HEATR1: variants seen among roughly 807,000 people sequenced by gnomAD.
HEATR1 encodes HEAT repeat-containing protein 1.
A neutral mutation model predicts 248.2 loss-of-function variants in HEATR1; 77 were observed. The ratio of observed to expected loss-of-function variants is 0.31; its 90% confidence interval spans 0.26 to 0.37. HEATR1 has a LOEUF of 0.37. HEATR1 is among the 10% of genes least tolerant of loss of function. HEATR1 has a pLI of 1.00. For missense variants in HEATR1, 2,420 were observed against 2,504.9 expected, an observed-to-expected ratio of 0.97 and a Z score of 0.72; for synonymous variants, 897 against 923.1, an observed-to-expected ratio of 0.97 and a Z score of 0.51.
rs950206727 is a variant in HEATR1, at chr1:236,550,780, T to A, written c.*122A>T. On this transcript the variant is annotated 3_prime_UTR_variant, in exon 45 of 45. Coordinates refer to ENST00000366582, the MANE Select transcript of HEATR1 (RefSeq NM_018072.6). ...ATTTTGTAAAGAAGTGATAAAACAT[T>A]TGTAAGTAATCCAAGTAGGTGTATT... The A allele has an allele frequency of 4.2e-6, 3 of 710,700 alleles. No individual in the cohort carries two copies. The highest frequency in any genetic ancestry group is 7.0e-6 in the Non-Finnish European group (3 of 429,034). The allele number at this position is 710,700 out of a possible 1,614,324, so 44.0% of individuals were successfully genotyped here.
rs1045015639 is a variant in HEATR1, at chr1:236,603,379, A to G, written c.143-3T>C. On this transcript the variant is annotated splice_polypyrimidine_tract_variant and splice_region_variant and intron_variant, in intron 2 of 44. Coordinates refer to ENST00000366582, the MANE Select transcript of HEATR1 (RefSeq NM_018072.6). ...CAACTCTTCCAGGCCAGTACATCCT[A>G]AATTTCAAAAAAGGCCAGTTTATTT... The G allele has an allele frequency of 6.2e-7, 1 of 1,611,986 alleles. No homozygotes were observed. The highest frequency in any genetic ancestry group is 1.3e-5 in the African/African-American group (1 of 74,910).
In HEATR1 at chr1:236,603,862, G is replaced by T. The variant is rs558550671; in HGVS notation, c.142+92C>A. On this transcript the variant is annotated intron_variant, in intron 2 of 44. Transcript: ENST00000366582. ...TAGAAACTGCTAAGGAAGAGGACGG[G>T]ACAGAAGAGAAAACAAGGGGAAAAA... 142 of 1,349,912 alleles carry T rather than the reference G, an allele frequency of 1.1e-4. 1 individual carries two copies. The African/African-American group carries it at 2.0e-3, about 19-fold the overall frequency. The allele number at this position is 1,349,912 out of a possible 1,614,324, so 83.6% of individuals were successfully genotyped here. A position where few individuals can be genotyped will look rare whatever the true frequency, so the allele number is the denominator to read the frequency against.
intron 23 of HEATR1, 110 bp downstream of exon 23, chr1:236,574,551 T>C (rs1663515456): frequency 7.3e-6 from 10 of 1,377,730 alleles, no homozygotes; most frequent in Non-Finnish European, 9.8e-6. Context: ...CCTGTAACTA[T>C]CTTCTCCAAA....
At chr1:236,584,923 A>G in intron 17 of HEATR1, 102 bp downstream of exon 17, 1 of 966,110 alleles carries the variant, frequency 1.0e-6, no homozygotes, top group Non-Finnish European at 1.5e-6. Context: ...TACTATCCAC[A>G]GACTCAACAT....
intron 8 of HEATR1, 25 bp from the exon 9 acceptor site, chr1:236,594,139 T>C (rs1196989429): frequency 1.4e-6 from 2 of 1,452,642 alleles, no homozygotes; most frequent in East Asian, 2.3e-5. Flanking sequence ...ATTAAAATTG[T>C]GTTGGGAAAA....
At chr1:236,554,001 G>A (rs2759003) in intron 42 of HEATR1, among the ~76,000 whole-genome samples, 90,629 of 151,918 alleles carry the variant, frequency 0.6, 28,250 homozygotes, top group Non-Finnish European at 0.69. Flanking sequence ...ATGCTCTGAC[G>A]CGTTCTCAGT....
At chr1:236,604,247 G>A (rs534237393) in intron 1 of HEATR1, 120 bp from the exon 2 acceptor site, 1 of 711,272 alleles carries the variant, frequency 1.4e-6, no homozygotes, top group African/African-American at 1.9e-5. Context: ...CCTGAGATTT[G>A]TGGACCCCGG....
chr1:236,596,190 A>C (rs1325162900), intron 6 of HEATR1, 146 bp from the exon 7 acceptor site: 1 of 625,968 alleles, frequency 1.6e-6, no homozygotes, highest in Non-Finnish European at 2.7e-6. Flanking sequence ...ACAATAAAGG[A>C]GCTGACCCCT....
chr1:236,558,041 C>T (rs2759006), intron 36 of HEATR1, among the ~76,000 whole-genome samples, 196 bp downstream of exon 36: 104,145 of 152,028 alleles, frequency 0.69, 35,988 homozygotes, highest in Non-Finnish European at 0.72. Flanking sequence ...TGGGCTCAAA[C>T]GATCTCCCTG....
chr1:236,595,661 G>A lies in HEATR1; in HGVS notation c.969C>T (p.His323=). 6.2e-7 allele frequency: 1 copy of A among 1,611,556 alleles called. No homozygotes were observed. Residue 323 remains histidine, a synonymous_variant, in exon 8 of 45, where the codon CAC becomes CAT. Coordinates refer to ENST00000366582, the MANE Select transcript of HEATR1 (RefSeq NM_018072.6). ...PESLGKKPFP[H]LCNVPDLITI... is the part of the protein sequence containing the mutation. ...TAATAAGATCAGGAACATTACATAAGTGAGGGAATGGCCTTTGAAGAAGCA... is the reference window on the plus strand; with the variant it reads ...TAATAAGATCAGGAACATTACATAAATGAGGGAATGGCCTTTGAAGAAGCA...
At chr1:236,554,284 C>T (rs570569338) in intron 42 of HEATR1, among the ~76,000 whole-genome samples, 12 of 151,992 alleles carry the variant, frequency 7.9e-5, no homozygotes, top group East Asian at 5.8e-4. Context: ...CCCAGCTATT[C>T]GGGAGGCTGA....
chr1:236,597,786 C>G lies in HEATR1; in HGVS notation c.603+92G>C, dbSNP rs1028884103. 28 of 759,128 alleles carry G rather than the reference C, an allele frequency of 3.7e-5. No individual in the cohort carries two copies. The Admixed American group carries it at 5.1e-4, about 14-fold the overall frequency. The allele number at this position is 759,128 out of a possible 1,614,324, so 47.0% of individuals were successfully genotyped here. A position where few individuals can be genotyped will look rare whatever the true frequency, so the allele number is the denominator to read the frequency against. On this transcript the variant is annotated intron_variant, in intron 5 of 44. Transcript: ENST00000366582. The stretch of plus-strand genomic sequence containing the variant: ...AACAAAATAAATTTATCCAAAGTAT[C>G]ATTGTTATTAGGGAATGTTTTAGTA...
At chr1:236,600,561 T>C (rs556353776) in intron 3 of HEATR1, among the ~76,000 whole-genome samples, 1 of 150,746 alleles carries the variant, frequency 6.6e-6, no homozygotes, top group African/African-American at 2.4e-5. Context: ...TTCCAGAGTC[T>C]ACTTGGTCAC....
rs539454578 is a variant in HEATR1 at position 236,566,118 on chromosome 1, G to A, written c.4309-73C>T. On this transcript the variant is annotated intron_variant, in intron 30 of 44. Transcript: ENST00000366582. Reference sequence around the variant, plus strand: ...AAGGCATAATTTCAGGATAATGTGCGTTAGGATTTCTAGCAGAACAGAGTA... The same window carrying A: ...AAGGCATAATTTCAGGATAATGTGCATTAGGATTTCTAGCAGAACAGAGTA... 105 of 1,446,788 alleles carry A rather than the reference G, an allele frequency of 7.3e-5. No individual in the cohort carries two copies. The African/African-American group carries it at 8.2e-4, about 11-fold the overall frequency. The allele number at this position is 1,446,788 out of a possible 1,614,324, so 89.6% of individuals were successfully genotyped here.
Position 236,596,756 on chromosome 1 carries a change from T to C in HEATR1, c.744+80A>G, listed in dbSNP as rs1185466774. 9 of 1,373,318 alleles carry C rather than the reference T, an allele frequency of 6.6e-6. No individual in the cohort carries two copies. The East Asian group carries it at 1.7e-4, about 25-fold the overall frequency. 85.1% of individuals were successfully genotyped at this position (1,373,318 alleles called of 1,614,324 possible). A position where few individuals can be genotyped will look rare whatever the true frequency, so the allele number is the denominator to read the frequency against. ...AAATAAACTGTCAATTTAAAAACAC[T>C]TAAATCTAAAAAAACTTTCGAAAGC... On this transcript the variant is annotated intron_variant, in intron 6 of 44. Transcript: ENST00000366582.
At chr1:236,596,702 C>G in intron 6 of HEATR1, 134 bp downstream of exon 6, 1 of 835,148 alleles carries the variant, frequency 1.2e-6, no homozygotes, top group African/African-American at 1.7e-5. Flanking sequence ...ATATTTTCAA[C>G]CTAAAGGCTA....
chr1:236,584,887 C>A (rs923464693), intron 17 of HEATR1, 138 bp downstream of exon 17: 24 of 689,890 alleles, frequency 3.5e-5, no homozygotes, highest in Non-Finnish European at 2.1e-5. Flanking sequence ...CACTGCTACC[C>A]AAGACTGCTT....
At chr1:236,569,744 A>G (rs1663371319) in intron 28 of HEATR1, among the ~76,000 whole-genome samples, 2 of 152,222 alleles carry the variant, frequency 1.3e-5, no homozygotes, top group Admixed American at 6.5e-5. Context: ...AAAGCTAAAC[A>G]TAAAATTCCG....
Position 236,553,726 on chromosome 1 carries a change from A to C in HEATR1, c.6092T>G (p.Leu2031Arg), listed in dbSNP as rs868294301. The C allele has an allele frequency of 1.9e-6, 3 of 1,612,334 alleles. No individual in the cohort carries two copies. The highest frequency in any genetic ancestry group is 3.3e-4 in the Middle Eastern group (2 of 6,024). The change falls in exon 43 of 45, where the codon CTT (leucine) becomes CGT (arginine). Residue 2031 changes from leucine to arginine, a missense_variant. Physicochemically the swap from Leu to Arg is moderately radical, Grantham distance 102 (BLOSUM62 -2). Transcript: ENST00000366582. ...MPLVDQLENR[L>R]GGEEKFQERV... ...TTCCTGGAATTTCTCTTCTCCCCCAAGCCTGTTTTCCAGCTAGGAAGAGTA... is the reference window on the plus strand; with the variant it reads ...TTCCTGGAATTTCTCTTCTCCCCCACGCCTGTTTTCCAGCTAGGAAGAGTA...
Sources: gnomAD v4.1 joint callset for allele counts (sites outside exome capture counted in the v4.1 genomes callset) on GRCh38, gnomAD v4.1.1 for gene constraint, MANE v1.5 for transcripts, NCBI Gene and HGNC (gene_info 2026-07-23, HGNC 2026-07-21) for gene names.